TEAD1: variants seen among roughly 807,000 people sequenced by gnomAD.
TEAD1 encodes the protein TEA domain transcription factor 1.
A neutral mutation model predicts 54.9 loss-of-function variants in TEAD1; 9 were observed. The ratio of observed to expected loss-of-function variants is 0.16; its 90% CI spans 0.10 to 0.29. The LOEUF is 0.29. TEAD1 is among the 10% of genes least tolerant of loss of function. The pLI, the probability that TEAD1 is intolerant of heterozygous loss-of-function variation, is 1.00. For synonymous variants in TEAD1, 200 were observed against 187.8 expected (o/e 1.07, Z -0.53); for missense variants, 387 against 535.9 (o/e 0.72, Z 2.74).
intron 5 of TEAD1, chr11:12,879,380 TTTAAG>T: frequency 1.7e-6 from 1 of 584,252 alleles, no homozygotes; most frequent in South Asian, 2.1e-5. Flanking sequence ...CCTTAAATGT[TTTAAG>T]TAATTGGAGA....
At chr11:12,818,693 T>C (rs1479594701) in intron 3 of TEAD1, among the ~76,000 whole-genome samples, 1 of 152,206 alleles carries the variant, frequency 6.6e-6, no homozygotes, top group Non-Finnish European at 1.5e-5. Context: ...TTCTCAAGCT[T>C]AGAGGGCAAC....
chr11:12,907,842 T>C (rs1948547210), intron 10 of TEAD1, among the ~76,000 whole-genome samples: 1 of 152,222 alleles, frequency 6.6e-6, no homozygotes. Flanking sequence ...CCATGCTCTT[T>C]GTGTAAACCT....
chr11:12,696,669 GTGGGTTTC>G (rs977864317), intron 2 of TEAD1, among the ~76,000 whole-genome samples: 4 of 152,156 alleles, frequency 2.6e-5, no homozygotes, highest in African/African-American at 9.7e-5. Context: ...GTTAGTGGGA[GTGGGTTTC>G]TGTTAATTGA....
chr11:12,747,105 T>G, intron 2 of TEAD1, among the ~76,000 whole-genome samples: 1 of 152,342 alleles, frequency 6.6e-6, no homozygotes, highest in African/African-American at 2.4e-5. Context: ...CCTGAGGCTG[T>G]CCTTGTAATT....
At chr11:12,741,326 T>C (rs1023991635) in intron 2 of TEAD1, among the ~76,000 whole-genome samples, 4 of 152,196 alleles carry the variant, frequency 2.6e-5, no homozygotes, top group Non-Finnish European at 5.9e-5. Context: ...TTTTGTCTTC[T>C]AATGAATTTT....
chr11:12,930,865 C>T (rs1014206689), intron 12 of TEAD1, among the ~76,000 whole-genome samples: 12 of 152,128 alleles, frequency 7.9e-5, no homozygotes, highest in African/African-American at 2.9e-4. Flanking sequence ...AAGTTACATG[C>T]ATTAAGGCAG....
chr11:12,906,698 C>T (rs1036593243), intron 10 of TEAD1, among the ~76,000 whole-genome samples: 3 of 152,136 alleles, frequency 2.0e-5, no homozygotes, highest in Admixed American at 2.0e-4. Flanking sequence ...TTATTTCCAC[C>T]CCCAGCCCCA....
chr11:12,734,667 C>T (rs754357573), intron 2 of TEAD1, among the ~76,000 whole-genome samples: 5 of 152,114 alleles, frequency 3.3e-5, no homozygotes, highest in Non-Finnish European at 7.3e-5. Context: ...AAATACTTAC[C>T]ATTGAGTTAC....
intron 11 of TEAD1, among the ~76,000 whole-genome samples, chr11:12,928,897 C>A (rs1181323148): frequency 2.0e-5 from 3 of 152,174 alleles, no homozygotes; most frequent in Non-Finnish European, 2.9e-5. Flanking sequence ...ATTCTCTTAG[C>A]AGTTTTCGAG....
At position 12,922,235 on chromosome 11, in the gene TEAD1, C is replaced by T. The variant is rs552405398; in HGVS notation, c.874-2677C>T. 1.1e-3 allele frequency among the ~76,000 whole-genome samples: 45 copies of T among 41,780 alleles called. 8 individuals carry two copies. The South Asian group carries it at 0.021, about 19-fold the overall frequency. The allele number at this position is 41,780 out of a possible 152,430, so 27.4% of individuals were successfully genotyped here. On this transcript the variant is annotated intron_variant, in intron 10 of 12. Transcript: ENST00000527636. The stretch of plus-strand genomic sequence containing the variant: ...TTTTTGAGACGGAGTCTCGCTCTGT[C>T]GCCCAGGCTGGAGTGCAGTGGCGGG...
At chr11:12,774,207 T>G (rs1945371210) in intron 3 of TEAD1, among the ~76,000 whole-genome samples, 1 of 152,040 alleles carries the variant, frequency 6.6e-6, no homozygotes, top group Admixed American at 6.6e-5. Context: ...TGGAAAGATT[T>G]CAGGGGATGA....
In TEAD1 at chr11:12,811,614, A is replaced by T. The variant is rs938094458; in HGVS notation, c.202+47180A>T. On this transcript the variant is annotated intron_variant, in intron 3 of 12. Transcript: ENST00000527636. ...CTAAGGCAGAACAAAAACAGGAGTC[A>T]GGGCTGGAGAGGGGCGTCTGTGGTC... Among the ~76,000 whole-genome samples the T allele has an allele frequency of 2.6e-5, 4 of 152,166 alleles. 1 individual carries two copies. The South Asian group carries it at 8.3e-4, about 32-fold the overall frequency.
At chr11:12,865,960 G>T (rs1947606712) in intron 5 of TEAD1, among the ~76,000 whole-genome samples, 1 of 151,988 alleles carries the variant, frequency 6.6e-6, no homozygotes, top group Non-Finnish European at 1.5e-5. Flanking sequence ...CACTTGAGTG[G>T]TGAGCACTGG....
chr11:12,807,525 T>C (rs1946200408), intron 3 of TEAD1, among the ~76,000 whole-genome samples: 1 of 152,188 alleles, frequency 6.6e-6, no homozygotes, highest in Non-Finnish European at 1.5e-5. Flanking sequence ...GTAAAGTGGG[T>C]TGAATAATAG....
chr11:12,814,958 A>G (rs1164554551), intron 3 of TEAD1, among the ~76,000 whole-genome samples: 3 of 151,998 alleles, frequency 2.0e-5, no homozygotes, highest in Non-Finnish European at 4.4e-5. Context: ...TTTTTCTTTC[A>G]TTATTCTCAG....
At chr11:12,882,853 T>C in intron 8 of TEAD1, 148 bp from the exon 9 acceptor site, 1 of 1,164,526 alleles carries the variant, frequency 8.6e-7, no homozygotes, top group Non-Finnish European at 1.3e-6. Flanking sequence ...TGCCAGCATC[T>C]GTCGTCTGAG....
intron 11 of TEAD1, 90 bp downstream of exon 11, chr11:12,925,142 T>C: frequency 6.8e-7 from 1 of 1,463,534 alleles, no homozygotes; most frequent in South Asian, 1.2e-5. Flanking sequence ...GTTGTATTTT[T>C]GGATGTCTGC....
At chr11:12,701,716 T>C (rs1401497025) in intron 2 of TEAD1, among the ~76,000 whole-genome samples, 1 of 152,108 alleles carries the variant, frequency 6.6e-6, no homozygotes, top group Admixed American at 6.6e-5. Context: ...CAGTCTAAAA[T>C]GGTGAGTGAT....
intron 12 of TEAD1, among the ~76,000 whole-genome samples, chr11:12,933,051 G>A (rs951093892): frequency 2.6e-5 from 4 of 152,134 alleles, no homozygotes; most frequent in African/African-American, 9.7e-5. Flanking sequence ...TGTGTAGTAG[G>A]CTGTACCGTC....
Sources: gnomAD v4.1 joint callset for allele counts (sites outside exome capture counted in the v4.1 genomes callset) on GRCh38, gnomAD v4.1.1 for gene constraint, MANE v1.5 for transcripts, NCBI Gene and HGNC (gene_info 2026-07-23, HGNC 2026-07-21) for gene names.